The following NOVA1 variants were observed in gnomAD, a reference collection of about 807,000 sequenced individuals.
NOVA1 encodes the protein RNA-binding protein Nova-1.
A neutral mutation model predicts 38.0 loss-of-function variants in NOVA1; 7 were observed. That is an observed-to-expected ratio of 0.18 (90% CI 0.10 to 0.35). The LOEUF (loss-of-function observed/expected upper bound fraction) is 0.35. NOVA1 is among the 10% of genes least tolerant of loss of function. The pLI, the probability that NOVA1 is intolerant of heterozygous loss-of-function variation, is 1.00. For synonymous variants in NOVA1, 270 were observed against 232.5 expected (o/e 1.16, Z -1.47); for missense variants, 460 against 616.0 (o/e 0.75, Z 2.68).
At chr14:26,459,495 A>C (rs1883475070) in intron 4 of NOVA1, among the ~76,000 whole-genome samples, 1 of 152,138 alleles carries the variant, frequency 6.6e-6, no homozygotes, top group African/African-American at 2.4e-5. Context: ...CATTTTTCTG[A>C]ATATATTCCC....
In NOVA1 at chr14:26,537,613, A is replaced by G. The variant is rs147741024; in HGVS notation, c.281-57470T>C. On this transcript the variant is annotated intron_variant, in intron 2 of 4. Coordinates refer to ENST00000539517, the MANE Select transcript of NOVA1 (RefSeq NM_002515.3). ...AATGCCCTTATATCATCCACTCCAC[A>G]ATATGTATTTATTACCCACCATATG... Among the ~76,000 whole-genome samples the G allele has an allele frequency of 2.4e-4, 36 of 152,276 alleles. 1 individual carries two copies. Among genetic ancestry groups the G allele is most frequent in the African/African-American group, 8.7e-4 (36 of 41,552 alleles).
intron 2 of NOVA1, among the ~76,000 whole-genome samples, chr14:26,545,714 A>G (rs1205932705): frequency 6.6e-6 from 1 of 152,180 alleles, no homozygotes; most frequent in Non-Finnish European, 1.5e-5. Context: ...ACAGACTTAA[A>G]AAACAACCTT....
intron 2 of NOVA1, among the ~76,000 whole-genome samples, chr14:26,518,411 G>A (rs970431758): frequency 2.6e-5 from 4 of 151,808 alleles, no homozygotes; most frequent in African/African-American, 4.8e-5. Flanking sequence ...CTTGTTTTAC[G>A]TAGCCCTCTT....
At chr14:26,526,445 C>G (rs1889304830) in intron 2 of NOVA1, among the ~76,000 whole-genome samples, 1 of 152,062 alleles carries the variant, frequency 6.6e-6, no homozygotes, top group South Asian at 2.1e-4. Flanking sequence ...CTCCTTGGCA[C>G]TATTTTCTTT....
chr14:26,449,966 T>C (rs965223193), intron 4 of NOVA1, among the ~76,000 whole-genome samples: 1 of 152,110 alleles, frequency 6.6e-6, no homozygotes, highest in Non-Finnish European at 1.5e-5. Flanking sequence ...TTTTCTATCA[T>C]CCCTAAAATT....
chr14:26,521,916 G>C lies in NOVA1; in HGVS notation c.281-41773C>G, dbSNP rs149390292. Among the ~76,000 whole-genome samples the C allele has an allele frequency of 6.8e-3, 1,031 of 152,026 alleles. 15 individuals are homozygous for C. The highest frequency in any genetic ancestry group is 0.021 in the Admixed American group (321 of 15,250). ...AAGAACAGCAAACAGATCTACTAAG[G>C]AGAAAGATGAAGTATAACATTTTCC... On this transcript the variant is annotated intron_variant, in intron 2 of 4. Coordinates refer to ENST00000539517, the MANE Select transcript of NOVA1 (RefSeq NM_002515.3).
chr14:26,477,700 T>G (rs554931808), intron 3 of NOVA1, among the ~76,000 whole-genome samples: 51 of 152,180 alleles, frequency 3.4e-4, no homozygotes, highest in African/African-American at 1.1e-3. Context: ...AGAAGTAAAA[T>G]TAAGGTCATT....
chr14:26,491,707 C>T (rs1262811678), intron 2 of NOVA1, among the ~76,000 whole-genome samples: 1 of 152,126 alleles, frequency 6.6e-6, no homozygotes, highest in African/African-American at 2.4e-5. Flanking sequence ...AGAGATTGTT[C>T]TCTTCCCATT....
intron 4 of NOVA1, among the ~76,000 whole-genome samples, chr14:26,458,124 A>G (rs983247466): frequency 6.6e-6 from 1 of 152,136 alleles, no homozygotes; most frequent in African/African-American, 2.4e-5. Context: ...CAAATCCACA[A>G]TGAGATATCA....
At chr14:26,494,970 A>G (rs2138374104) in intron 2 of NOVA1, among the ~76,000 whole-genome samples, 1 of 152,272 alleles carries the variant, frequency 6.6e-6, no homozygotes, top group East Asian at 1.9e-4. Context: ...TATGGCTTTC[A>G]AAACCCATCA....
At chr14:26,586,778 A>C (rs1893540437) in intron 2 of NOVA1, among the ~76,000 whole-genome samples, 1 of 151,298 alleles carries the variant, frequency 6.6e-6, no homozygotes, top group African/African-American at 2.4e-5. Context: ...CAGGCAATAT[A>C]ACCTATGATA....
intron 4 of NOVA1, among the ~76,000 whole-genome samples, chr14:26,453,233 G>T (rs1235357588): frequency 1.3e-5 from 2 of 150,462 alleles, no homozygotes; most frequent in African/African-American, 2.4e-5. Flanking sequence ...TAGAGAGGGG[G>T]GTCTCCCTTT....
At chr14:26,552,838 A>T (rs383478) in intron 2 of NOVA1, among the ~76,000 whole-genome samples, 80,255 of 151,612 alleles carry the variant, frequency 0.53, 25,732 homozygotes, top group Non-Finnish European at 0.7. Flanking sequence ...ACTTAAATGA[A>T]GAATGAATGA....
chr14:26,510,752 CTT>C (rs1291641566), intron 2 of NOVA1, among the ~76,000 whole-genome samples: 2 of 152,116 alleles, frequency 1.3e-5, no homozygotes, highest in Non-Finnish European at 2.9e-5. Flanking sequence ...ATCACAAAAA[CTT>C]TTTGGTTTCT....
chr14:26,543,251 CT>C (rs906694993), intron 2 of NOVA1, among the ~76,000 whole-genome samples: 26 of 152,006 alleles, frequency 1.7e-4, no homozygotes, highest in Middle Eastern at 3.4e-3. Context: ...ATCCCTCAAA[CT>C]TTTTTTGGAA....
chr14:26,453,872 C>T (rs1451245929), intron 4 of NOVA1, among the ~76,000 whole-genome samples: 5 of 152,288 alleles, frequency 3.3e-5, no homozygotes, highest in Middle Eastern at 3.4e-3. Flanking sequence ...TTACTACACA[C>T]ATATGACATT....
chr14:26,472,487 G>A, intron 3 of NOVA1, 96 bp from the exon 4 acceptor site: 1 of 529,188 alleles, frequency 1.9e-6, no homozygotes, highest in East Asian at 3.5e-5. Flanking sequence ...AATATAACGA[G>A]AACAAAATCC....
At chr14:26,515,938 C>T (rs1406243404) in intron 2 of NOVA1, among the ~76,000 whole-genome samples, 1 of 152,038 alleles carries the variant, frequency 6.6e-6, no homozygotes, top group Non-Finnish European at 1.5e-5. Context: ...TTTTCAAGAA[C>T]ACAAACGTAT....
At chr14:26,463,540 T>C (rs1451150927) in intron 4 of NOVA1, among the ~76,000 whole-genome samples, 2 of 152,216 alleles carry the variant, frequency 1.3e-5, no homozygotes, top group South Asian at 2.1e-4. Flanking sequence ...GGTTTTCATA[T>C]GAACCTAGGA....
Sources: allele counts gnomAD v4.1 joint callset (sites outside exome capture counted in the v4.1 genomes callset), GRCh38; gene constraint gnomAD v4.1.1; transcripts MANE v1.5; gene names NCBI Gene and HGNC (gene_info 2026-07-23, HGNC 2026-07-21).